The following PHTF2 variants were observed in gnomAD, a reference collection of about 807,000 sequenced individuals.
PHTF2 encodes protein PHTF2.
A neutral mutation model predicts 101.2 loss-of-function variants in PHTF2; 60 were observed. The ratio of observed to expected loss-of-function variants is 0.59; its 90% CI spans 0.48 to 0.73. The LOEUF is 0.73. PHTF2 is among the 30% of genes least tolerant of loss of function. The pLI is 0.00. For missense variants in PHTF2, 747 were observed against 908.7 expected (o/e 0.82, Z 2.29); for synonymous variants, 311 against 307.3 (o/e 1.01, Z -0.13).
intron 2 of PHTF2, among the ~76,000 whole-genome samples, chr7:77,851,743 A>T (rs1183984547): frequency 1.3e-5 from 2 of 150,346 alleles, no homozygotes; most frequent in Non-Finnish European, 3.0e-5. Context: ...TTCTTCTACT[A>T]CTGATTCTGG....
chr7:77,920,528 T>G, intron 10 of PHTF2, 63 bp downstream of exon 9: 1 of 1,211,180 alleles, frequency 8.3e-7, no homozygotes, highest in Non-Finnish European at 1.2e-6. Context: ...TAAAGTGACT[T>G]AGATATAGTA....
chr7:77,953,812 C>T lies in PHTF2; in HGVS notation c.2255C>T (p.Pro752Leu), dbSNP rs759471348. 27 of 1,612,468 alleles carry T rather than the reference C, an allele frequency of 1.7e-5. No homozygotes were observed. Among genetic ancestry groups the T allele is most frequent in the African/African-American group, 2.7e-5 (2 of 74,854 alleles). Residue 752 changes from proline (P) to leucine (L), a missense_variant, in exon 19 of 20, where the codon CCG becomes CTG. Pro to Leu is a moderately conservative substitution (Grantham distance 98). Transcript: ENST00000416283. ...AGATTATATGGGCTTACAATGAATC[C>T]GCTGCTTTATAACATCACCCAGGTT...
At chr7:77,892,476 CT>C (rs1273608105) in intron 3 of PHTF2, among the ~76,000 whole-genome samples, 2 of 152,140 alleles carry the variant, frequency 1.3e-5, no homozygotes, top group African/African-American at 4.8e-5. Context: ...TCAGAAAATA[CT>C]CTTTCCTCCT....
At chr7:77,867,231 GAGA>G (rs1798139736) in intron 3 of PHTF2, among the ~76,000 whole-genome samples, 1 of 152,194 alleles carries the variant, frequency 6.6e-6, no homozygotes, top group Non-Finnish European at 1.5e-5. Flanking sequence ...GTAATACAGG[GAGA>G]AGTATATGAC....
rs766517191 is a variant in PHTF2, at chr7:77,954,840, C to T, written c.2338-18C>T. ...TATTAAAACTGGCTTGTCACCACTTCTATTTTTTTTTTTCTAGCTATGGAA... is the reference window on the plus strand; with the variant it reads ...TATTAAAACTGGCTTGTCACCACTTTTATTTTTTTTTTTCTAGCTATGGAA... On this transcript the variant is annotated intron_variant, in intron 19 of 19. Coordinates refer to ENST00000416283, the Ensembl canonical transcript of PHTF2. The T allele has an allele frequency of 1.4e-6, 2 of 1,415,936 alleles. No homozygotes were observed. Among genetic ancestry groups the T allele is most frequent in the South Asian group, 1.3e-5 (1 of 79,550 alleles). 87.7% of individuals were successfully genotyped at this position (1,415,936 alleles called of 1,614,324 possible). A position where few individuals can be genotyped will look rare whatever the true frequency, so the allele number is the denominator to read the frequency against.
At chr7:77,845,366 A>G (rs1254380548) in intron 2 of PHTF2, among the ~76,000 whole-genome samples, 1 of 152,238 alleles carries the variant, frequency 6.6e-6, no homozygotes. Flanking sequence ...GTATAGTCAT[A>G]GTAAAACAGT....
At chr7:77,850,896 A>G (rs1271425671) in intron 2 of PHTF2, among the ~76,000 whole-genome samples, 1 of 151,818 alleles carries the variant, frequency 6.6e-6, no homozygotes, top group African/African-American at 2.4e-5. Flanking sequence ...TTTGTCCTTC[A>G]TTTTGTTGAT....
At chr7:77,886,007 CTG>C (rs1285580955) in intron 3 of PHTF2, among the ~76,000 whole-genome samples, 5 of 152,294 alleles carry the variant, frequency 3.3e-5, no homozygotes, top group Non-Finnish European at 7.4e-5. Flanking sequence ...TATGATGTAT[CTG>C]TTCATTAGTT....
chr7:77,893,854 T>C, intron 4 of PHTF2, 128 bp from the exon 4 acceptor site: 2 of 753,380 alleles, frequency 2.7e-6, no homozygotes, highest in Non-Finnish European at 4.5e-6. Flanking sequence ...CTTTTTATCA[T>C]CTTTCTGTTC....
intron 1 of PHTF2, among the ~76,000 whole-genome samples, chr7:77,823,330 T>C (rs1794454723): frequency 6.6e-6 from 1 of 151,264 alleles, no homozygotes; most frequent in Admixed American, 6.6e-5. Flanking sequence ...AAGGGATTCT[T>C]CTGCCTCAGC....
chr7:77,873,450 A>G (rs994482687), intron 3 of PHTF2, among the ~76,000 whole-genome samples: 1 of 152,138 alleles, frequency 6.6e-6, no homozygotes, highest in Non-Finnish European at 1.5e-5. Context: ...CAGTCACACT[A>G]TCAACCCCCC....
chr7:77,917,234 A>G (rs1803012193), intron 9 of PHTF2, among the ~76,000 whole-genome samples: 1 of 152,204 alleles, frequency 6.6e-6, no homozygotes, highest in African/African-American at 2.4e-5. Context: ...TATCTGTATC[A>G]GTCTTTGAGC....
chr7:77,897,293 A>ATTTT (rs10687152), intron 5 of PHTF2, among the ~76,000 whole-genome samples: 3 of 133,706 alleles, frequency 2.2e-5, no homozygotes, highest in African/African-American at 8.3e-5. Flanking sequence ...AGCCCATTTC[A>ATTTT]TTTTTTTTTT....
intron 11 of PHTF2, chr7:77,924,187 T>A: frequency 1.1e-6 from 1 of 916,516 alleles, no homozygotes; most frequent in Non-Finnish European, 1.3e-6. Flanking sequence ...AACAGAAGAT[T>A]TGTAGTGCTC....
intron 1 of PHTF2, among the ~76,000 whole-genome samples, chr7:77,812,393 T>C (rs1026645912): frequency 6.6e-6 from 1 of 152,186 alleles, no homozygotes; most frequent in Non-Finnish European, 1.5e-5. Context: ...CAAACCCAAT[T>C]ATTATCTCTA....
chr7:77,798,960 C>T (rs1792295544), exon 1 of PHTF2: 2 of 152,820 alleles, frequency 1.3e-5, no homozygotes, highest in South Asian at 4.1e-4. Flanking sequence ...CGGCGCGGCG[C>T]TCGCTCCTAC....
chr7:77,855,204 G>A (rs539056710), intron 3 of PHTF2, among the ~76,000 whole-genome samples: 10 of 152,290 alleles, frequency 6.6e-5, no homozygotes, highest in South Asian at 2.1e-4. Context: ...CCATGGCTGC[G>A]TCCTTCTCTT....
intron 16 of PHTF2, among the ~76,000 whole-genome samples, chr7:77,944,093 A>G (rs1562972722): frequency 6.6e-6 from 1 of 152,236 alleles, no homozygotes; most frequent in African/African-American, 2.4e-5. Flanking sequence ...CTGAGTTCAT[A>G]AGATAATAAA....
chr7:77,815,674 A>G (rs1793799050), intron 1 of PHTF2, among the ~76,000 whole-genome samples: 1 of 152,232 alleles, frequency 6.6e-6, no homozygotes, highest in South Asian at 2.1e-4. Context: ...GGTCATAGAG[A>G]AATAGTCACT....
Sources: allele counts gnomAD v4.1 joint callset (sites outside exome capture counted in the v4.1 genomes callset), GRCh38; gene constraint gnomAD v4.1.1; transcripts MANE v1.5; gene names NCBI Gene and HGNC (gene_info 2026-07-23, HGNC 2026-07-21).